Variants in PCAT7 observed in about 807,000 individuals in gnomAD.
PCAT7 encodes prostate cancer associated transcript 7 (non-protein coding).
rs143636334 is a variant in PCAT7, at chr9:94,557,346, T to C, written n.258-1623T>C. On this transcript the variant is annotated intron_variant and non_coding_transcript_variant, in intron 1 of 8. Coordinates refer to ENST00000647389, the Ensembl canonical transcript of PCAT7. ...GATATTTTAACATTCTTCTAGTGCA[T>C]GGACATGGGATATCTTTCCATTTAC... 2.3e-3 allele frequency among the ~76,000 whole-genome samples: 344 copies of C among 152,372 alleles called. 12 individuals are homozygous for C. The East Asian group carries it at 0.045, about 20-fold the overall frequency.
chr9:94,569,111 C>T (rs1413132357), intron 2 of PCAT7: 1 of 152,260 alleles, frequency 6.6e-6, no homozygotes, highest in Non-Finnish European at 1.5e-5. Flanking sequence ...GAAAAGTGCC[C>T]TGACTTGCTT....
At chr9:94,563,442 C>T (rs1564179737) in intron 2 of PCAT7, 1 of 1,613,804 alleles carries the variant, frequency 6.2e-7, no homozygotes, top group Admixed American at 1.7e-5. Context: ...ATACCTGGCC[C>T]CATAGGGAGC....
chr9:94,558,840 T>G, intron 1 of PCAT7: 1 of 1,166,798 alleles, frequency 8.6e-7, no homozygotes, highest in Non-Finnish European at 1.3e-6. Context: ...TGGATTTACC[T>G]TTTGTATACT....
chr9:94,564,233 G>A (rs113452762), intron 2 of PCAT7, among the ~76,000 whole-genome samples: 12,312 of 152,220 alleles, frequency 0.081, 558 homozygotes, highest in South Asian at 0.16. Context: ...ACAATCAGAC[G>A]TAAAACAATC....
intron 1 of PCAT7, chr9:94,558,813 T>C (rs904845425): frequency 3.4e-6 from 3 of 876,762 alleles, no homozygotes; most frequent in Non-Finnish European, 5.5e-6. Flanking sequence ...GTTGTTGCTC[T>C]TCTGTATGTG....
At position 94,556,549 on chromosome 9, in the gene PCAT7, T is replaced by C. The variant is rs528727369; in HGVS notation, n.257+1239T>C. ...TTTTAAAAATAAGATTATTTGTATT[T>C]TCACTTTTGAGTAGTTTGAATTCTT... On this transcript the variant is annotated intron_variant and non_coding_transcript_variant, in intron 1 of 8. Transcript: ENST00000647389. Among the ~76,000 whole-genome samples the C allele has an allele frequency of 7.2e-5, 11 of 152,350 alleles. No homozygotes were observed. In the South Asian group the frequency reaches 2.1e-3, roughly 29 times the overall value.
At chr9:94,558,560 T>G (rs1026848241) in intron 1 of PCAT7, among the ~76,000 whole-genome samples, 2 of 152,206 alleles carry the variant, frequency 1.3e-5, no homozygotes, top group Non-Finnish European at 2.9e-5. Context: ...CCCAAAGTGC[T>G]GGGATTACAG....
intron 2 of PCAT7, among the ~76,000 whole-genome samples, chr9:94,565,425 C>T (rs1827172047): frequency 1.3e-5 from 2 of 149,234 alleles, no homozygotes; most frequent in Admixed American, 6.7e-5. Context: ...GAGTATCTTA[C>T]ACATGAATTT....
At chr9:94,555,618 G>C (rs754008164) in intron 1 of PCAT7, among the ~76,000 whole-genome samples, 28 of 150,708 alleles carry the variant, frequency 1.9e-4, no homozygotes, top group Non-Finnish European at 3.2e-4. Flanking sequence ...AGGGAGAGAA[G>C]GTTTTGTGAA....
At chr9:94,554,802 C>A (rs548095358), upstream of PCAT7, among the ~76,000 whole-genome samples, 1 of 152,326 alleles carries the variant, frequency 6.6e-6, no homozygotes, top group East Asian at 1.9e-4. Flanking sequence ...AAGCTCCAGG[C>A]TCCAGGGGGC....
intron 1 of PCAT7, among the ~76,000 whole-genome samples, chr9:94,556,365 G>A (rs944432876): frequency 3.9e-5 from 6 of 151,968 alleles, no homozygotes; most frequent in Admixed American, 6.6e-5. Context: ...CGTGGTGAGC[G>A]GGAGAGTAGA....
chr9:94,562,661 TTACC>T (rs1466119945), intron 2 of PCAT7, among the ~76,000 whole-genome samples: 1 of 152,204 alleles, frequency 6.6e-6, no homozygotes, highest in African/African-American at 2.4e-5. Context: ...ATTTGACTAC[TTACC>T]TACGATTTCT....
upstream of PCAT7, among the ~76,000 whole-genome samples, chr9:94,554,775 CCCAGGCT>C (rs527852807): frequency 1.3e-5 from 2 of 150,968 alleles, no homozygotes; most frequent in African/African-American, 2.5e-5. Flanking sequence ...GAGGGAGTGC[CCCAGGCT>C]CCAGGCTCCA....
chr9:94,556,141 T>G (rs575308189), intron 1 of PCAT7, among the ~76,000 whole-genome samples: 3 of 148,518 alleles, frequency 2.0e-5, no homozygotes, highest in Non-Finnish European at 1.5e-5. Flanking sequence ...AAACAGTTTT[T>G]GGGTAGATAA....
At chr9:94,559,398 G>A (rs1403356697) in intron 2 of PCAT7, among the ~76,000 whole-genome samples, 4 of 152,204 alleles carry the variant, frequency 2.6e-5, no homozygotes, top group African/African-American at 4.8e-5. Context: ...TTGTGCTTAT[G>A]AGAGACCTGC....
chr9:94,562,888 C>T (rs139846155), intron 2 of PCAT7, among the ~76,000 whole-genome samples: 52 of 152,256 alleles, frequency 3.4e-4, no homozygotes, highest in African/African-American at 1.0e-3. Flanking sequence ...GATACTTGGG[C>T]GGACTTCAGG....
intron 2 of PCAT7, chr9:94,570,772 G>C (rs141958256): frequency 8.5e-5 from 13 of 152,268 alleles, no homozygotes; most frequent in African/African-American, 2.9e-4. Flanking sequence ...TTAACTCCAT[G>C]TCATTTTGAA....
At chr9:94,557,315 GAT>G (rs1411484367) in intron 1 of PCAT7, among the ~76,000 whole-genome samples, 2 of 152,154 alleles carry the variant, frequency 1.3e-5, no homozygotes, top group Admixed American at 6.5e-5. Flanking sequence ...CGCATTGGGT[GAT>G]ATAGATATTT....
chr9:94,565,064 T>C (rs1827165760), intron 2 of PCAT7, among the ~76,000 whole-genome samples: 1 of 152,162 alleles, frequency 6.6e-6, no homozygotes, highest in Non-Finnish European at 1.5e-5. Flanking sequence ...TGTACAATTA[T>C]TATATGTCAA....
Sources: allele counts gnomAD v4.1 joint callset (sites outside exome capture counted in the v4.1 genomes callset), GRCh38; gene constraint gnomAD v4.1.1; transcripts MANE v1.5; gene names NCBI Gene and HGNC (gene_info 2026-07-23, HGNC 2026-07-21).